Variants in PCDHA11 observed in about 807,000 individuals in gnomAD.
PCDHA11 encodes protocadherin alpha-11.
A neutral mutation model predicts 70.3 loss-of-function variants in PCDHA11; 61 were observed. The observed-to-expected ratio is 0.87, with a 90% CI of 0.71 to 1.07. The LOEUF is 1.07. PCDHA11 is among the 50% of genes least tolerant of loss of function. The pLI, the probability that PCDHA11 is intolerant of heterozygous loss-of-function variation, is 0.00. For synonymous variants in PCDHA11, 633 were observed against 555.1 expected (o/e 1.14, Z -1.97); for missense variants, 1,324 against 1,237.5 (o/e 1.07, Z -1.05).
Position 140,869,779 on chromosome 5 carries a change from G to A in PCDHA11, c.676G>A (p.Val226Ile), listed in dbSNP as rs1554163444. The A allele has an allele frequency of 2.5e-6, 4 of 1,612,766 alleles. No homozygotes were observed. Among genetic ancestry groups the A allele is most frequent in the Non-Finnish European group, 3.4e-6 (4 of 1,179,506 alleles). ...GGGAAAACCAGAGCTTACTGGCACCGTTCGGCTGTTAGTCCAAGTCTTGGA... is the reference window on the plus strand; with the variant it reads ...GGGAAAACCAGAGCTTACTGGCACCATTCGGCTGTTAGTCCAAGTCTTGGA... Reference protein sequence around the residue: ...DGGKPELTGTVRLLVQVLDVN... With the variant: ...DGGKPELTGTIRLLVQVLDVN... The change falls in exon 1 of 4, where the codon GTT (valine) becomes ATT (isoleucine). Residue 226 changes from valine (V) to isoleucine (I), a missense_variant. Transcript: ENST00000398640.
intron 1 of PCDHA11, chr5:140,927,314 C>G: frequency 6.2e-7 from 1 of 1,614,194 alleles, no homozygotes; most frequent in East Asian, 2.2e-5. Flanking sequence ...ACGCCCGGAG[C>G]CCGCTTTACT....
chr5:140,871,519 A>G, intron 1 of PCDHA11, 25 bp downstream of exon 1: 1 of 1,554,010 alleles, frequency 6.4e-7, no homozygotes, highest in East Asian at 2.3e-5. Flanking sequence ...GATTCCACCT[A>G]TCAGGAAGTG....
At chr5:140,986,508 G>T (rs1043049646) in intron 3 of PCDHA11, among the ~76,000 whole-genome samples, 26 of 152,184 alleles carry the variant, frequency 1.7e-4, no homozygotes, top group African/African-American at 5.3e-4. Context: ...TAAAAGGACT[G>T]CCCCTGCCTG....
chr5:140,928,122 A>G (rs1554205517), intron 1 of PCDHA11: 14 of 1,614,078 alleles, frequency 8.7e-6, no homozygotes, highest in Non-Finnish European at 1.2e-5. Context: ...AGATCAGTGA[A>G]TACCAAGTCC....
rs199902550 is a variant in PCDHA11 at position 140,965,368 on chromosome 5, A to C, written c.2392-13581A>C. On this transcript the variant is annotated intron_variant, in intron 1 of 3. Transcript: ENST00000398640. ...TTGCCTCTATAGCAGTACAAGAGGAAACTTGGGGACACAGAAGAACAGAAG... is the reference window on the plus strand; with the variant it reads ...TTGCCTCTATAGCAGTACAAGAGGACACTTGGGGACACAGAAGAACAGAAG... 8.5e-5 allele frequency among the ~76,000 whole-genome samples: 13 copies of C among 152,290 alleles called. No homozygotes were observed. The East Asian group carries it at 2.5e-3, about 29-fold the overall frequency.
chr5:140,882,132 A>C, intron 1 of PCDHA11: 1 of 1,475,878 alleles, frequency 6.8e-7, no homozygotes. Flanking sequence ...TTCTTCCTGC[A>C]GAAAATATAG....
rs939950931 is a variant in PCDHA11, at chr5:140,871,140, C to T, written c.2037C>T (p.Ser679=). 2 of 1,613,336 alleles carry T rather than the reference C, an allele frequency of 1.2e-6. No homozygotes were observed. Among genetic ancestry groups the T allele is most frequent in the Non-Finnish European group, 8.5e-7 (1 of 1,179,926 alleles). Residue 679 remains serine (S), a synonymous_variant, in exon 1 of 4, where the codon TCC becomes TCT. Coordinates refer to ENST00000398640, the MANE Select transcript of PCDHA11 (RefSeq NM_018902.5). ...GCGGACAGGCGCCAAAGGCCTCTTCCCGGACTTTGGCGGGCGCCGCGAGCC... is the reference window on the plus strand; with the variant it reads ...GCGGACAGGCGCCAAAGGCCTCTTCTCGGACTTTGGCGGGCGCCGCGAGCC... ...VESGQAPKAS[S]RTLAGAASPE... is the part of the protein sequence containing the mutation.
intron 1 of PCDHA11, chr5:140,968,736 A>G (rs1047961532): frequency 3.1e-6 from 5 of 1,614,098 alleles, no homozygotes; most frequent in East Asian, 2.2e-5. Context: ...AGCACTTTCA[A>G]CCTGACCGTG....
intron 3 of PCDHA11, among the ~76,000 whole-genome samples, chr5:140,996,539 A>G (rs1023035245): frequency 2.6e-5 from 4 of 152,170 alleles, no homozygotes; most frequent in South Asian, 4.1e-4. Flanking sequence ...GTGTTTTGAT[A>G]TTATGCTGTC....
intron 1 of PCDHA11, chr5:140,927,546 A>G (rs1554204713): frequency 6.2e-7 from 1 of 1,614,146 alleles, no homozygotes; most frequent in Non-Finnish European, 8.5e-7. Flanking sequence ...GAGACGCACA[A>G]GTCACCATCA....
At chr5:140,965,371 T>C (rs1195667342) in intron 1 of PCDHA11, among the ~76,000 whole-genome samples, 9 of 152,124 alleles carry the variant, frequency 5.9e-5, no homozygotes, top group African/African-American at 1.2e-4. Flanking sequence ...AAGAGGAAAC[T>C]TGGGGACACA....
intron 3 of PCDHA11, among the ~76,000 whole-genome samples, chr5:140,997,668 T>TTGTGTGTGTGTGTG (rs35184029): frequency 1.7e-4 from 25 of 148,344 alleles, no homozygotes; most frequent in African/African-American, 6.2e-4. Flanking sequence ...ATTATACAGC[T>TTGTGTGTGTGTGTG]TGTGTGTGTG....
chr5:140,919,821 T>C (rs944662452), intron 1 of PCDHA11, among the ~76,000 whole-genome samples: 1 of 152,230 alleles, frequency 6.6e-6, no homozygotes, highest in Non-Finnish European at 1.5e-5. Flanking sequence ...CAAAAATATA[T>C]GTCCACATAG....
intron 1 of PCDHA11, among the ~76,000 whole-genome samples, chr5:140,885,056 C>T (rs1554181973): frequency 6.6e-6 from 1 of 152,106 alleles, no homozygotes; most frequent in East Asian, 1.9e-4. Flanking sequence ...TATACATATA[C>T]CCACAAGATA....
At chr5:140,928,691 T>C (rs1554206164) in intron 1 of PCDHA11, 1 of 1,614,148 alleles carries the variant, frequency 6.2e-7, no homozygotes, top group East Asian at 2.2e-5. Context: ...TCCTACCACA[T>C]CTCCCGGGCG....
chr5:140,907,136 G>A (rs115442963), intron 1 of PCDHA11, among the ~76,000 whole-genome samples: 1,721 of 152,234 alleles, frequency 0.011, 29 homozygotes, highest in African/African-American at 0.038. Flanking sequence ...TGTGAATTCC[G>A]GCTATGGGAG....
At chr5:140,884,588 C>G (rs1554181766) in intron 1 of PCDHA11, 1 of 1,614,152 alleles carries the variant, frequency 6.2e-7, no homozygotes, top group East Asian at 2.2e-5. Context: ...GGCCTTCAGT[C>G]CCAGCCTTCC....
chr5:140,876,493 C>T (rs1554168608), intron 1 of PCDHA11: 2 of 1,614,008 alleles, frequency 1.2e-6, no homozygotes, highest in Admixed American at 3.3e-5. Context: ...GGTGGAAGTT[C>T]TGGACGTGAA....
At chr5:140,935,633 C>T (rs1316098876) in intron 1 of PCDHA11, among the ~76,000 whole-genome samples, 4 of 152,046 alleles carry the variant, frequency 2.6e-5, no homozygotes, top group African/African-American at 7.2e-5. Context: ...AAATTTAGGG[C>T]TTGCTTTTTA....
Sources: allele counts gnomAD v4.1 joint callset (sites outside exome capture counted in the v4.1 genomes callset), GRCh38; gene constraint gnomAD v4.1.1; transcripts MANE v1.5; gene names NCBI Gene and HGNC (gene_info 2026-07-23, HGNC 2026-07-21).